PHACTR1: variants seen among roughly 807,000 people sequenced by gnomAD.
PHACTR1 encodes the protein RPEL repeat containing 1.
Under a neutral mutation model 69.2 loss-of-function variants are expected in PHACTR1, and 16 were observed. The observed-to-expected ratio is 0.23, with a 90% CI of 0.16 to 0.35. The LOEUF is 0.35. Ranked by LOEUF, PHACTR1 falls within the 10% of genes least tolerant of loss-of-function variation. The pLI, the probability that PHACTR1 is intolerant of heterozygous loss-of-function variation, is 1.00. For missense variants in PHACTR1, 510 were observed against 734.7 expected, an observed-to-expected ratio of 0.69 and a Z score of 3.54; for synonymous variants, 312 against 284.5, an observed-to-expected ratio of 1.10 and a Z score of -0.97.
rs147893958 is a variant in PHACTR1 at position 13,282,546 on chromosome 6, T to C, written c.1510-876T>C. On this transcript the variant is annotated intron_variant, in intron 12 of 14. Coordinates refer to ENST00000332995, the MANE Select transcript of PHACTR1 (RefSeq NM_030948.6). The stretch of plus-strand genomic sequence containing the variant: ...CTGTACTTACTCAACTCCGCATTTG[T>C]TGACTGACCTTCCCCTTGAACTTCT... Among the ~76,000 whole-genome samples, 117 of 152,320 alleles carry C rather than the reference T, an allele frequency of 7.7e-4. 3 individuals are homozygous for C. In the East Asian group the frequency reaches 0.021, roughly 27 times the overall value.
intron 5 of PHACTR1, among the ~76,000 whole-genome samples, chr6:13,120,553 G>A (rs1818551425): frequency 6.6e-6 from 1 of 152,198 alleles, no homozygotes; most frequent in South Asian, 2.1e-4. Context: ...CAATTTAGAG[G>A]AGGCCGAAGG....
At chr6:13,097,292 A>T (rs530115298) in intron 5 of PHACTR1, among the ~76,000 whole-genome samples, 10 of 152,316 alleles carry the variant, frequency 6.6e-5, no homozygotes, top group South Asian at 6.2e-4. Flanking sequence ...TATATTTCTT[A>T]AAAAAACATT....
At position 13,119,999 on chromosome 6, in the gene PHACTR1, C is replaced by T. The variant is rs79031026; in HGVS notation, c.416-40205C>T. ...ATGCACCCTGCCTGTCACATCAAAT[C>T]GACCTGCTGGATGAAATACGTGGTG... On this transcript the variant is annotated intron_variant, in intron 5 of 14. Transcript: ENST00000332995. Among the ~76,000 whole-genome samples, 1,326 of 152,100 alleles carry T rather than the reference C, an allele frequency of 8.7e-3. 54 individuals are homozygous for T. The East Asian group carries it at 0.12, about 14-fold the overall frequency.
rs375090688 is a variant in PHACTR1 at position 13,127,186 on chromosome 6, G to A, written c.416-33018G>A. ...GTTTAAATAGATTTCTCTGGGCCTC[G>A]ATCTCCTTTGCTTGACGATAAGAAT... On this transcript the variant is annotated intron_variant, in intron 5 of 14. Coordinates refer to ENST00000332995, the MANE Select transcript of PHACTR1 (RefSeq NM_030948.6). 9.8e-5 allele frequency among the ~76,000 whole-genome samples: 15 copies of A among 152,292 alleles called. No homozygotes were observed. The Middle Eastern group carries it at 0.017, about 173-fold the overall frequency.
chr6:12,949,701 G>A (rs950833187), intron 4 of PHACTR1, among the ~76,000 whole-genome samples: 2 of 152,014 alleles, frequency 1.3e-5, no homozygotes, highest in South Asian at 2.1e-4. Flanking sequence ...AAGTATTAAC[G>A]TCCTTTTAAA....
chr6:13,158,655 G>A (rs1437384895), intron 5 of PHACTR1, among the ~76,000 whole-genome samples: 1 of 152,180 alleles, frequency 6.6e-6, no homozygotes, highest in African/African-American at 2.4e-5. Context: ...TATCACAATG[G>A]AGATGTCCTG....
At chr6:13,017,443 C>T (rs992565708) in intron 4 of PHACTR1, among the ~76,000 whole-genome samples, 1 of 151,812 alleles carries the variant, frequency 6.6e-6, no homozygotes, top group African/African-American at 2.4e-5. Flanking sequence ...TTGTTTTTTC[C>T]CTCCTTACCT....
intron 4 of PHACTR1, among the ~76,000 whole-genome samples, chr6:12,777,625 CTTTTT>C: frequency 1.0e-5 from 1 of 99,008 alleles, no homozygotes; most frequent in Non-Finnish European, 1.9e-5. Context: ...CTTTCTTCTT[CTTTTT>C]TTTTTTTTTT....
intron 4 of PHACTR1, among the ~76,000 whole-genome samples, chr6:12,919,154 AT>A (rs1396158612): frequency 6.6e-6 from 1 of 151,412 alleles, no homozygotes; most frequent in East Asian, 1.9e-4. Flanking sequence ...TTTTATTTTT[AT>A]TTTTTGAGAT....
At chr6:13,210,911 CTTTTTTTTTT>C (rs56769825) in intron 8 of PHACTR1, among the ~76,000 whole-genome samples, 4 of 72,930 alleles carry the variant, frequency 5.5e-5, no homozygotes, top group Admixed American at 3.3e-4. Context: ...TTTATCATTT[CTTTTTTTTTT>C]TTTTTTTTTT....
At chr6:13,023,562 T>C (rs1255048767) in intron 4 of PHACTR1, among the ~76,000 whole-genome samples, 1 of 152,242 alleles carries the variant, frequency 6.6e-6, no homozygotes, top group Non-Finnish European at 1.5e-5. Context: ...TCTTTCGTTC[T>C]CATTTTTAGG....
At chr6:12,976,784 A>T (rs183866860) in intron 4 of PHACTR1, among the ~76,000 whole-genome samples, 14 of 152,290 alleles carry the variant, frequency 9.2e-5, no homozygotes, top group Admixed American at 8.5e-4. Context: ...CATCTCAGTC[A>T]TCAGATCAAC....
At chr6:13,096,873 G>A (rs926966449) in intron 5 of PHACTR1, among the ~76,000 whole-genome samples, 7 of 152,140 alleles carry the variant, frequency 4.6e-5, no homozygotes, top group East Asian at 1.9e-4. Context: ...CCCTCCTGTC[G>A]TGCGTGACTT....
intron 5 of PHACTR1, among the ~76,000 whole-genome samples, chr6:13,142,595 G>T (rs1191719560): frequency 6.6e-6 from 1 of 152,072 alleles, no homozygotes; most frequent in East Asian, 1.9e-4. Flanking sequence ...TAAGGTAGGG[G>T]TCCAATTTCA....
chr6:12,835,001 T>C (rs960797751), intron 4 of PHACTR1, among the ~76,000 whole-genome samples: 12 of 152,210 alleles, frequency 7.9e-5, no homozygotes, highest in African/African-American at 2.9e-4. Flanking sequence ...CAATTAACAA[T>C]GAAGATAATT....
chr6:13,048,268 C>T (rs1228679924), intron 4 of PHACTR1, among the ~76,000 whole-genome samples: 1 of 152,184 alleles, frequency 6.6e-6, no homozygotes, highest in African/African-American at 2.4e-5. Flanking sequence ...TCAACATGCT[C>T]AGTCCTGGCA....
intron 3 of PHACTR1, among the ~76,000 whole-genome samples, chr6:12,735,844 A>C (rs1045426091): frequency 1.3e-5 from 2 of 152,168 alleles, no homozygotes; most frequent in East Asian, 3.8e-4. Context: ...TGTATCCCTG[A>C]AGCTGTGCAA....
intron 5 of PHACTR1, among the ~76,000 whole-genome samples, chr6:13,093,420 C>T (rs747991472): frequency 9.2e-5 from 14 of 152,114 alleles, no homozygotes; most frequent in East Asian, 1.9e-4. Flanking sequence ...AAGATCATTC[C>T]GATTATTAGA....
intron 4 of PHACTR1, among the ~76,000 whole-genome samples, chr6:12,806,231 C>T (rs1346530310): frequency 6.6e-6 from 1 of 152,188 alleles, no homozygotes; most frequent in Non-Finnish European, 1.5e-5. Flanking sequence ...CTACCATCCT[C>T]TCATTTAAAT....
Sources: gnomAD v4.1 joint callset for allele counts (sites outside exome capture counted in the v4.1 genomes callset) on GRCh38, gnomAD v4.1.1 for gene constraint, MANE v1.5 for transcripts, NCBI Gene and HGNC (gene_info 2026-07-23, HGNC 2026-07-21) for gene names.